Variants in GLIS3 observed in about 807,000 individuals in gnomAD.
GLIS3 encodes zinc finger protein GLIS3.
In GLIS3, 53 loss-of-function variants were observed where a neutral mutation model predicts 78.6. The ratio of observed to expected loss-of-function variants is 0.67; its 90% CI spans 0.54 to 0.85. The LOEUF (loss-of-function observed/expected upper bound fraction) is 0.85, where lower values mean the gene tolerates loss of function less well. Ranked by LOEUF, GLIS3 falls within the 40% of genes least tolerant of loss-of-function variation. GLIS3 has a pLI of 0.00. For missense variants in GLIS3, 1,703 were observed against 1,231.1 expected (o/e 1.38, Z -5.74); for synonymous variants, 684 against 509.9 (o/e 1.34, Z -4.60).
chr9:4,485,718 G>A, the GLIS3 span, among the ~76,000 whole-genome samples: 4 of 118,904 alleles, frequency 3.4e-5, no homozygotes, highest in African/African-American at 6.8e-5. Context: ...TCCTGCCTCT[G>A]CTTTTTTTTT....
intron 2 of GLIS3, among the ~76,000 whole-genome samples, chr9:4,144,688 G>C (rs1834076238): frequency 6.6e-6 from 1 of 152,072 alleles, no homozygotes; most frequent in Admixed American, 6.6e-5. Context: ...CCATGAGTAG[G>C]GGCAAGAAAC....
chr9:4,101,553 C>T (rs1266051824), intron 4 of GLIS3, among the ~76,000 whole-genome samples: 1 of 152,142 alleles, frequency 6.6e-6, no homozygotes, highest in African/African-American at 2.4e-5. Context: ...CTGGGTAGAA[C>T]ACGTTAGCTA....
At chr9:3,928,991 G>T (rs1825434405) in intron 6 of GLIS3, among the ~76,000 whole-genome samples, 1 of 152,158 alleles carries the variant, frequency 6.6e-6, no homozygotes, top group Admixed American at 6.6e-5. Flanking sequence ...GAAAAATTCT[G>T]ATAAAGCTCA....
At chr9:3,916,047 G>C (rs1420721431) in intron 6 of GLIS3, among the ~76,000 whole-genome samples, 1 of 152,138 alleles carries the variant, frequency 6.6e-6, no homozygotes, top group African/African-American at 2.4e-5. Context: ...CCATGTAGAA[G>C]AAAATCTTAG....
At chr9:3,856,947 A>T (rs920038467) in intron 8 of GLIS3, among the ~76,000 whole-genome samples, 19 of 152,244 alleles carry the variant, frequency 1.2e-4, no homozygotes, top group African/African-American at 4.6e-4. Context: ...GGATGATTGT[A>T]CATTGATCTT....
At chr9:4,299,158 C>T (rs1816886124) in intron 1 of GLIS3, among the ~76,000 whole-genome samples, 1 of 152,154 alleles carries the variant, frequency 6.6e-6, no homozygotes, top group Non-Finnish European at 1.5e-5. Flanking sequence ...CTACACTGGG[C>T]GCTCTTAGGC....
chr9:4,363,230 C>G, the GLIS3 span, among the ~76,000 whole-genome samples: 1 of 152,150 alleles, frequency 6.6e-6, no homozygotes, highest in Non-Finnish European at 1.5e-5. Context: ...CAAGACCAGC[C>G]TGGCCAACAT....
intron 8 of GLIS3, among the ~76,000 whole-genome samples, chr9:3,864,822 C>A (rs1049720127): frequency 5.9e-5 from 9 of 152,104 alleles, no homozygotes; most frequent in African/African-American, 2.2e-4. Context: ...ATGGAAAGGG[C>A]AAAAACCCTC....
intron 4 of GLIS3, among the ~76,000 whole-genome samples, chr9:4,053,059 T>G (rs748433058): frequency 6.6e-6 from 1 of 152,208 alleles, no homozygotes; most frequent in African/African-American, 2.4e-5. Flanking sequence ...GCAATTCTCC[T>G]GCCTCAGCCT....
rs2380933 is a variant in GLIS3, at chr9:4,050,610, G to T, written c.1710+67158C>A. Among the ~76,000 whole-genome samples, 4 of 151,678 alleles carry T rather than the reference G, an allele frequency of 2.6e-5. No individual in the cohort carries two copies. The East Asian group carries it at 7.8e-4, about 30-fold the overall frequency. Reference sequence around the variant, plus strand: ...TTAAAGTATAATAATAAAAATAAAAGTAATTTTAAAAAAATCTTCCGAGGA... The same window carrying T: ...TTAAAGTATAATAATAAAAATAAAATTAATTTTAAAAAAATCTTCCGAGGA... On this transcript the variant is annotated intron_variant, in intron 4 of 10. Transcript: ENST00000381971.
chr9:4,468,970 C>T, the GLIS3 span, among the ~76,000 whole-genome samples: 49 of 151,794 alleles, frequency 3.2e-4, no homozygotes, highest in African/African-American at 9.2e-4. Flanking sequence ...AAGCAAAAAA[C>T]GCAGGATTTG....
intron 2 of GLIS3, among the ~76,000 whole-genome samples, chr9:4,281,375 C>T (rs1449721145): frequency 2.2e-5 from 3 of 133,808 alleles, no homozygotes; most frequent in African/African-American, 5.4e-5. Context: ...TCACCATTAC[C>T]CATCTCCAAA....
At chr9:4,314,204 ATACT>A (rs1817405337) in intron 2 of GLIS3, among the ~76,000 whole-genome samples, 1 of 152,198 alleles carries the variant, frequency 6.6e-6, no homozygotes, top group African/African-American at 2.4e-5. Context: ...GTGTGAAATG[ATACT>A]TAATACATTG....
intron 2 of GLIS3, among the ~76,000 whole-genome samples, chr9:4,207,963 C>G (rs10758570): frequency 6.6e-6 from 1 of 152,056 alleles, no homozygotes; most frequent in Non-Finnish European, 1.5e-5. Flanking sequence ...CCTGGAACCA[C>G]GTTGGGGGTA....
chr9:4,158,338 G>A (rs1014343037), intron 2 of GLIS3, among the ~76,000 whole-genome samples: 4 of 152,120 alleles, frequency 2.6e-5, no homozygotes, highest in African/African-American at 9.7e-5. Flanking sequence ...GTCCAAAGAG[G>A]GCAGAGGTCA....
At chr9:4,311,058 C>G (rs552889488) in intron 2 of GLIS3, among the ~76,000 whole-genome samples, 4 of 152,260 alleles carry the variant, frequency 2.6e-5, no homozygotes, top group East Asian at 1.9e-4. Flanking sequence ...GTGCCTAATC[C>G]GAAAGCCAGA....
chr9:3,876,900 CCAAA>C (rs1041161194), intron 8 of GLIS3, among the ~76,000 whole-genome samples: 1 of 151,686 alleles, frequency 6.6e-6, no homozygotes, highest in African/African-American at 2.4e-5. Flanking sequence ...TTGCCCACAG[CCAAA>C]CAGTTAGCAA....
intron 2 of GLIS3, among the ~76,000 whole-genome samples, chr9:4,271,174 T>C (rs1424587016): frequency 6.6e-6 from 1 of 152,166 alleles, no homozygotes; most frequent in East Asian, 1.9e-4. Context: ...AGGAAAAATA[T>C]AGAAACGGGG....
intron 4 of GLIS3, among the ~76,000 whole-genome samples, chr9:4,056,530 G>C (rs978760761): frequency 7.9e-5 from 12 of 152,182 alleles, no homozygotes; most frequent in African/African-American, 2.9e-4. Flanking sequence ...TCAAATGCCA[G>C]CTTTGCAGGA....
Sources: allele counts gnomAD v4.1 joint callset (sites outside exome capture counted in the v4.1 genomes callset), GRCh38; gene constraint gnomAD v4.1.1; transcripts MANE v1.5; gene names NCBI Gene and HGNC (gene_info 2026-07-23, HGNC 2026-07-21).